BICD1: variants seen among roughly 807,000 people sequenced by gnomAD.
BICD1 encodes protein bicaudal D homolog 1.
A neutral mutation model predicts 92.5 loss-of-function variants in BICD1; 35 were observed. That is an observed-to-expected ratio of 0.38 (90% CI 0.29 to 0.50). The LOEUF is 0.50. Among genes scored for constraint, BICD1 ranks in the 20% least tolerant of loss-of-function variants. The probability of loss-of-function intolerance (pLI) is 0.93; values close to 1 mark genes in which losing one functional copy is unlikely to be tolerated. For missense variants in BICD1, 950 were observed against 1,189.8 expected, an observed-to-expected ratio of 0.80 and a Z score of 2.97; for synonymous variants, 429 against 465.1, an observed-to-expected ratio of 0.92 and a Z score of 1.00.
chr12:32,268,887 A>C (rs2136141883), intron 2 of BICD1, among the ~76,000 whole-genome samples: 1 of 152,342 alleles, frequency 6.6e-6, no homozygotes, highest in East Asian at 1.9e-4. Flanking sequence ...AATAGCTCAT[A>C]AGCCAACCTA....
intron 1 of BICD1, among the ~76,000 whole-genome samples, chr12:32,127,227 T>C (rs1942378714): frequency 6.6e-6 from 1 of 152,224 alleles, no homozygotes; most frequent in Admixed American, 6.5e-5. Context: ...ATCCTTTCCA[T>C]GAAGTCATAA....
intron 1 of BICD1, among the ~76,000 whole-genome samples, chr12:32,201,185 A>G (rs926368054): frequency 7.9e-5 from 12 of 152,216 alleles, no homozygotes; most frequent in Non-Finnish European, 5.9e-5. Flanking sequence ...CTTCTGAAAC[A>G]AGGCTTTCCT....
At chr12:32,252,350 A>C (rs1010177188) in intron 2 of BICD1, among the ~76,000 whole-genome samples, 1 of 151,410 alleles carries the variant, frequency 6.6e-6, no homozygotes, top group Non-Finnish European at 1.5e-5. Flanking sequence ...TCCGATTCAC[A>C]TCAAAGATGT....
At chr12:32,375,341 C>G (rs1303091804) in intron 9 of BICD1, among the ~76,000 whole-genome samples, 1 of 151,912 alleles carries the variant, frequency 6.6e-6, no homozygotes, top group Non-Finnish European at 1.5e-5. Context: ...CCAGCCTGGC[C>G]AAAATGGTGA....
chr12:32,221,624 T>C (rs970703010), intron 2 of BICD1, among the ~76,000 whole-genome samples: 3 of 151,838 alleles, frequency 2.0e-5, no homozygotes, highest in African/African-American at 7.3e-5. Flanking sequence ...GAGGTTGCAG[T>C]GAGCCAAGAT....
intron 1 of BICD1, among the ~76,000 whole-genome samples, chr12:32,143,831 G>T (rs1190055393): frequency 1.3e-5 from 2 of 152,060 alleles, no homozygotes; most frequent in African/African-American, 2.4e-5. Context: ...CTCAACTGAT[G>T]GGTGTATAAT....
At chr12:32,143,937 TG>T (rs1305605068) in intron 1 of BICD1, among the ~76,000 whole-genome samples, 5 of 152,350 alleles carry the variant, frequency 3.3e-5, no homozygotes, top group Non-Finnish European at 7.4e-5. Flanking sequence ...ATTTATGAAA[TG>T]CCTGTTTAAG....
At chr12:32,358,133 G>A (rs927783869) in intron 8 of BICD1, among the ~76,000 whole-genome samples, 17 of 151,974 alleles carry the variant, frequency 1.1e-4, no homozygotes, top group East Asian at 1.9e-4. Flanking sequence ...ACAGAGTCTC[G>A]CTCTGTTGCT....
chr12:32,313,675 T>G lies in BICD1; in HGVS notation c.1005+7553T>G, dbSNP rs2136231819. On this transcript the variant is annotated intron_variant, in intron 4 of 9. Transcript: ENST00000652176. The surrounding 1 kb of genome is among the most constrained non-coding windows in gnomAD (Gnocchi z 4.2). Reference sequence around the variant, plus strand: ...AATGGCTAAACTATTACAGATTTTATAGTTAGAGATTACAAACTAGCTGGG... The same window carrying G: ...AATGGCTAAACTATTACAGATTTTAGAGTTAGAGATTACAAACTAGCTGGG... Among the ~76,000 whole-genome samples, 1 of 152,340 alleles carries G rather than the reference T, an allele frequency of 6.6e-6. No homozygotes were observed. The highest frequency in any genetic ancestry group is 1.9e-4 in the East Asian group (1 of 5,192).
intron 1 of BICD1, among the ~76,000 whole-genome samples, chr12:32,168,018 G>A (rs56043550): frequency 5.1e-5 from 7 of 136,326 alleles, no homozygotes; most frequent in Non-Finnish European, 8.5e-5. Flanking sequence ...GTGTGTGTGT[G>A]TGTGTGTGTG....
chr12:32,240,507 G>C (rs1055026486), intron 2 of BICD1, among the ~76,000 whole-genome samples: 1 of 152,138 alleles, frequency 6.6e-6, no homozygotes, highest in Non-Finnish European at 1.5e-5. Flanking sequence ...ATGTCACGTT[G>C]CCTTTTTCTT....
chr12:32,255,229 C>T (rs1487763150), intron 2 of BICD1, among the ~76,000 whole-genome samples: 1 of 152,114 alleles, frequency 6.6e-6, no homozygotes, highest in African/African-American at 2.4e-5. Flanking sequence ...GCACTGATTC[C>T]ATCAGGCCAC....
At chr12:32,355,411 A>G (rs1490891854) in intron 8 of BICD1, among the ~76,000 whole-genome samples, 1 of 152,236 alleles carries the variant, frequency 6.6e-6, no homozygotes, top group African/African-American at 2.4e-5. Flanking sequence ...TTGAAGAATT[A>G]TAAGGCAGGG....
chr12:32,245,250 GT>G (rs1264562131), intron 2 of BICD1, among the ~76,000 whole-genome samples: 28 of 119,556 alleles, frequency 2.3e-4, no homozygotes, highest in East Asian at 6.7e-4. Context: ...TTTGTTTTTT[GT>G]TTTTTTTTTT....
intron 1 of BICD1, among the ~76,000 whole-genome samples, chr12:32,203,742 G>A (rs946385556): frequency 1.3e-5 from 2 of 152,136 alleles, no homozygotes; most frequent in Non-Finnish European, 2.9e-5. Flanking sequence ...GTCCCCTCGA[G>A]AAGCCCTATA....
chr12:32,265,908 T>C (rs1421188334), intron 2 of BICD1, among the ~76,000 whole-genome samples: 2 of 152,178 alleles, frequency 1.3e-5, no homozygotes, highest in Admixed American at 6.5e-5. Context: ...ATGTACACTG[T>C]TCTCTGCCCC....
chr12:32,373,079 A>G (rs1477290122), intron 9 of BICD1, among the ~76,000 whole-genome samples: 1 of 152,116 alleles, frequency 6.6e-6, no homozygotes, highest in Non-Finnish European at 1.5e-5. Context: ...GTAGTTTTCT[A>G]CTTGGGAAAA....
chr12:32,212,521 T>C (rs930333704), intron 1 of BICD1, among the ~76,000 whole-genome samples: 2 of 152,190 alleles, frequency 1.3e-5, no homozygotes, highest in Non-Finnish European at 2.9e-5. Context: ...ATCTCCCAGA[T>C]TCAAGTGATT....
chr12:32,139,999 GCT>G (rs1158404697), intron 1 of BICD1, among the ~76,000 whole-genome samples: 2 of 152,196 alleles, frequency 1.3e-5, no homozygotes, highest in Admixed American at 6.5e-5. Flanking sequence ...GATCTCAGCA[GCT>G]CTCTGTTCAG....
Sources: gnomAD v4.1 joint callset for allele counts (sites outside exome capture counted in the v4.1 genomes callset) on GRCh38, gnomAD v4.1.1 for gene constraint, Gnocchi (gnomAD v3.1) non-coding constraint, MANE v1.5 for transcripts, NCBI Gene and HGNC (gene_info 2026-07-23, HGNC 2026-07-21) for gene names.